Variants in C12orf42 observed in about 807,000 individuals in gnomAD.
C12orf42 encodes the protein chromosome 12 open reading frame 42.
C12orf42 carries 25 observed loss-of-function variants against 21.6 expected under a neutral mutation model. The observed-to-expected ratio is 1.16, with a 90% CI of 0.84 to 1.62. C12orf42 has a LOEUF of 1.62. Ranked by LOEUF, C12orf42 falls within the 40% of genes most tolerant of loss-of-function variation. The pLI is 0.00. For synonymous variants in C12orf42, 174 were observed against 175.0 expected (o/e 0.99, Z 0.05); for missense variants, 483 against 459.3 (o/e 1.05, Z -0.47).
chr12:103,111,178 G>T, the C12orf42 span, among the ~76,000 whole-genome samples: 1 of 151,864 alleles, frequency 6.6e-6, no homozygotes, highest in Non-Finnish European at 1.5e-5. Context: ...AATACAAAAT[G>T]AAAATGAAAC....
At chr12:103,252,589 C>T (rs886994485) in intron 10 of C12orf42, among the ~76,000 whole-genome samples, 3 of 152,248 alleles carry the variant, frequency 2.0e-5, no homozygotes, top group African/African-American at 7.2e-5. Context: ...ACATAGATGT[C>T]TTCTTTTGAG....
chr12:103,393,368 C>A (rs1447390276), intron 3 of C12orf42, among the ~76,000 whole-genome samples: 1 of 152,094 alleles, frequency 6.6e-6, no homozygotes, highest in African/African-American at 2.4e-5. Context: ...ACAATCAGAT[C>A]TCGCAAGAAC....
At chr12:103,560,553 C>T in the C12orf42 span, among the ~76,000 whole-genome samples, 1 of 152,208 alleles carries the variant, frequency 6.6e-6, no homozygotes, top group Non-Finnish European at 1.5e-5. Context: ...GTATAAGTTT[C>T]TGTGTACATT....
chr12:103,516,604 T>C, the C12orf42 span, among the ~76,000 whole-genome samples: 2 of 152,260 alleles, frequency 1.3e-5, no homozygotes, highest in East Asian at 3.9e-4. Flanking sequence ...CTACCACTTA[T>C]AAAACCATCA....
chr12:103,124,038 C>A, the C12orf42 span, among the ~76,000 whole-genome samples: 2 of 151,726 alleles, frequency 1.3e-5, no homozygotes, highest in Non-Finnish European at 2.9e-5. Context: ...GTGGTTGAAA[C>A]TCTTACCCTG....
At chr12:103,474,746 C>T (rs1592966240) in intron 2 of C12orf42, among the ~76,000 whole-genome samples, 1 of 152,192 alleles carries the variant, frequency 6.6e-6, no homozygotes, top group Non-Finnish European at 1.5e-5. Flanking sequence ...CAGAGTAGAG[C>T]AATTTTGAAA....
the C12orf42 span, among the ~76,000 whole-genome samples, chr12:103,154,861 T>A: frequency 6.6e-6 from 1 of 152,194 alleles, no homozygotes; most frequent in Non-Finnish European, 1.5e-5. Context: ...TGAGTCGAAT[T>A]TATGGATTAT....
chr12:103,304,286 G>T (rs769959847), intron 5 of C12orf42, among the ~76,000 whole-genome samples: 2 of 152,142 alleles, frequency 1.3e-5, no homozygotes, highest in African/African-American at 2.4e-5. Flanking sequence ...GTGATCAGCA[G>T]TATTCTAGAC....
intron 2 of C12orf42, among the ~76,000 whole-genome samples, chr12:103,454,554 T>C (rs765520769): frequency 3.9e-5 from 6 of 152,138 alleles, no homozygotes; most frequent in Non-Finnish European, 7.4e-5. Context: ...TTATCTACTT[T>C]TTCCTCAGGT....
chr12:103,067,364 G>T, the C12orf42 span, among the ~76,000 whole-genome samples: 1 of 152,152 alleles, frequency 6.6e-6, no homozygotes, highest in African/African-American at 2.4e-5. Flanking sequence ...CATGCTCATG[G>T]AATTCACTGG....
intron 3 of C12orf42, among the ~76,000 whole-genome samples, chr12:103,390,224 T>G (rs543904325): frequency 6.6e-6 from 1 of 152,242 alleles, no homozygotes; most frequent in Non-Finnish European, 1.5e-5. Context: ...CTACCACTTA[T>G]ACAGCATTTA....
chr12:103,322,059 C>T (rs1302074602), intron 4 of C12orf42, among the ~76,000 whole-genome samples: 5 of 151,940 alleles, frequency 3.3e-5, no homozygotes, highest in Admixed American at 3.3e-4. Flanking sequence ...CATTATTAAA[C>T]TTATATAGTA....
chr12:103,285,568 A>G (rs185836775), intron 4 of C12orf42, among the ~76,000 whole-genome samples: 3 of 150,044 alleles, frequency 2.0e-5, no homozygotes. Flanking sequence ...CTTTGATAGA[A>G]TAATTACAAA....
At chr12:103,263,041 A>G (rs1044311552) in intron 10 of C12orf42, among the ~76,000 whole-genome samples, 7 of 152,128 alleles carry the variant, frequency 4.6e-5, no homozygotes, top group African/African-American at 1.7e-4. Flanking sequence ...TCTCAGCAAG[A>G]TATCACAAGG....
At chr12:103,309,673 G>A (rs2038760067) in intron 4 of C12orf42, among the ~76,000 whole-genome samples, 1 of 152,150 alleles carries the variant, frequency 6.6e-6, no homozygotes, top group African/African-American at 2.4e-5. Context: ...GGAAAACCAG[G>A]AACTGGTAGG....
At chr12:103,136,473 T>C in the C12orf42 span, among the ~76,000 whole-genome samples, 41 of 152,308 alleles carry the variant, frequency 2.7e-4, 2 homozygotes, top group South Asian at 7.7e-3. Context: ...TGGCAATCTA[T>C]AGATTCAATG....
the C12orf42 span, among the ~76,000 whole-genome samples, chr12:103,186,294 A>T: frequency 2.0e-5 from 3 of 152,172 alleles, no homozygotes; most frequent in Admixed American, 2.0e-4. Flanking sequence ...TTACTCAAAG[A>T]CTGTCTTGTA....
At chr12:103,148,071 A>G in the C12orf42 span, among the ~76,000 whole-genome samples, 2 of 152,146 alleles carry the variant, frequency 1.3e-5, no homozygotes, top group Non-Finnish European at 2.9e-5. Context: ...ATCTTTTTCT[A>G]TATATTATTG....
chr12:103,132,471 C>T, the C12orf42 span, among the ~76,000 whole-genome samples: 2 of 152,130 alleles, frequency 1.3e-5, no homozygotes, highest in African/African-American at 4.8e-5. Context: ...GGAGTTGCCT[C>T]AAGACAATGT....
Sources: gnomAD v4.1 joint callset for allele counts (sites outside exome capture counted in the v4.1 genomes callset) on GRCh38, gnomAD v4.1.1 for gene constraint, MANE v1.5 for transcripts, NCBI Gene and HGNC (gene_info 2026-07-23, HGNC 2026-07-21) for gene names.